Variants in ANKDD1B observed in about 807,000 individuals in gnomAD.
ANKDD1B encodes ankyrin repeat and death domain containing 1B.
Under a neutral mutation model 59.7 loss-of-function variants are expected in ANKDD1B, and 57 were observed. The observed-to-expected ratio is 0.95, with a 90% CI of 0.77 to 1.19. The LOEUF is 1.19. Among genes scored for constraint, ANKDD1B ranks in the 50% most tolerant of loss-of-function variants. The pLI is 0.00. For synonymous variants in ANKDD1B, 216 were observed against 239.5 expected, an observed-to-expected ratio of 0.90 and a Z score of 0.91; for missense variants, 602 against 641.9, an observed-to-expected ratio of 0.94 and a Z score of 0.67.
intron 7 of ANKDD1B, among the ~76,000 whole-genome samples, chr5:75,644,004 A>C (rs1460378575): frequency 4.4e-5 from 4 of 90,354 alleles, no homozygotes; most frequent in Non-Finnish European, 7.5e-5. Flanking sequence ...ACTAAGCTTC[A>C]TAAGTGAAGG....
intron 12 of ANKDD1B, among the ~76,000 whole-genome samples, chr5:75,667,196 G>A (rs1775334151): frequency 6.6e-6 from 1 of 152,216 alleles, no homozygotes; most frequent in Admixed American, 6.5e-5. Context: ...CTCATGGTCT[G>A]CAGTAAACCG....
intron 3 of ANKDD1B, among the ~76,000 whole-genome samples, chr5:75,625,239 T>C (rs1301459425): frequency 1.3e-5 from 2 of 152,210 alleles, no homozygotes; most frequent in African/African-American, 4.8e-5. Flanking sequence ...GTAAGTGTGC[T>C]TCATGCATTA....
In ANKDD1B at chr5:75,635,876, G is replaced by T; in HGVS notation, c.792G>T (p.Met264Ile). The T allele has an allele frequency of 6.5e-7, 1 of 1,527,172 alleles. No individual in the cohort carries two copies. The highest frequency in any genetic ancestry group is 8.8e-7 in the Non-Finnish European group (1 of 1,139,540). 94.6% of individuals were successfully genotyped at this position (1,527,172 alleles called of 1,614,324 possible). The change falls in exon 7 of 14, where the codon ATG (methionine) becomes ATT (isoleucine). Residue 264 changes from methionine to isoleucine, a missense_variant. Transcript: ENST00000601380. ...LLAQWQDINE[M>I]NELNISSLQI... is the part of the protein sequence containing the mutation. ...CCCAGTGGCAAGACATAAATGAGAT[G>T]AATGAGGTATGTGGAAGTGCTCGTT... is the stretch of plus-strand genomic sequence containing the variant.
chr5:75,636,605 A>G (rs1197665277), intron 7 of ANKDD1B, among the ~76,000 whole-genome samples: 1 of 152,152 alleles, frequency 6.6e-6, no homozygotes, highest in Non-Finnish European at 1.5e-5. Context: ...TGGGCAGGTA[A>G]CTGTCACAGC....
At chr5:75,661,414 A>AAAAAAAAAAAAAAAAAAG (rs1471501853) in intron 10 of ANKDD1B, among the ~76,000 whole-genome samples, 5 of 131,420 alleles carry the variant, frequency 3.8e-5, no homozygotes, top group East Asian at 2.1e-4. Context: ...AAAAAAAAAA[A>AAAAAAAAAAAAAAAAAAG]AAAAAAAAAA....
intron 9 of ANKDD1B, among the ~76,000 whole-genome samples, chr5:75,658,337 T>C (rs1310121685): frequency 1.3e-5 from 2 of 152,328 alleles, no homozygotes; most frequent in South Asian, 2.1e-4. Flanking sequence ...GTTGCTTCCC[T>C]TTCTGGTTAA....
At chr5:75,634,806 C>A in intron 5 of ANKDD1B, 92 bp from the exon 6 acceptor site, 1 of 791,062 alleles carries the variant, frequency 1.3e-6, no homozygotes, top group Non-Finnish European at 2.1e-6. Flanking sequence ...CTTGGACTCC[C>A]CATCATCCTT....
chr5:75,637,969 G>A (rs866101450), intron 7 of ANKDD1B, among the ~76,000 whole-genome samples: 2 of 152,090 alleles, frequency 1.3e-5, no homozygotes, highest in Non-Finnish European at 2.9e-5. Context: ...CTCAAACAAC[G>A]ACAATTATAC....
intron 8 of ANKDD1B, 74 bp downstream of exon 8, chr5:75,653,314 C>A: frequency 2.0e-6 from 2 of 1,005,380 alleles, no homozygotes; most frequent in Non-Finnish European, 3.0e-6. Context: ...ATGCCCCTTG[C>A]AGATACGTGT....
At chr5:75,640,709 TG>T (rs996722992) in intron 7 of ANKDD1B, among the ~76,000 whole-genome samples, 1 of 152,232 alleles carries the variant, frequency 6.6e-6, no homozygotes, top group African/African-American at 2.4e-5. Context: ...ATAAAGTATG[TG>T]TTCCAGACCA....
intron 6 of ANKDD1B, chr5:75,635,211 A>G (rs1561438193): frequency 2.3e-6 from 1 of 433,668 alleles, no homozygotes; most frequent in African/African-American, 2.0e-5. Context: ...TGCTTCATAA[A>G]TGTTTGTGAA....
intron 7 of ANKDD1B, among the ~76,000 whole-genome samples, chr5:75,636,117 G>A (rs149345814): frequency 1.5e-3 from 224 of 152,326 alleles, no homozygotes; most frequent in African/African-American, 4.7e-3. Flanking sequence ...CTGTATGCCA[G>A]ATGAAGTATG....
intron 9 of ANKDD1B, among the ~76,000 whole-genome samples, chr5:75,657,968 T>G (rs1041233345): frequency 3.3e-5 from 5 of 151,770 alleles, no homozygotes; most frequent in Non-Finnish European, 5.9e-5. Flanking sequence ...TCCCAACACT[T>G]TGGGTGGCCA....
intron 1 of ANKDD1B, among the ~76,000 whole-genome samples, chr5:75,616,260 T>C (rs1475679566): frequency 7.2e-5 from 11 of 152,388 alleles, no homozygotes; most frequent in African/African-American, 2.4e-4. Flanking sequence ...GTGATGTTTA[T>C]AGTAGATGTC....
intron 5 of ANKDD1B, among the ~76,000 whole-genome samples, chr5:75,632,777 CG>C (rs1561437186): frequency 6.6e-6 from 1 of 152,190 alleles, no homozygotes; most frequent in Admixed American, 6.5e-5. Context: ...AAGCAGCACT[CG>C]GTTACTACAT....
At chr5:75,664,790 T>G (rs1254716067) in intron 11 of ANKDD1B, among the ~76,000 whole-genome samples, 1 of 152,212 alleles carries the variant, frequency 6.6e-6, no homozygotes, top group Non-Finnish European at 1.5e-5. Context: ...GAAAACCATA[T>G]ATAAAACATG....
chr5:75,621,164 G>C (rs1431899124), intron 3 of ANKDD1B, among the ~76,000 whole-genome samples: 1 of 152,166 alleles, frequency 6.6e-6, no homozygotes, highest in African/African-American at 2.4e-5. Flanking sequence ...GGCTTGGCTT[G>C]GGGGAGGGGG....
At chr5:75,641,163 T>A (rs75737052) in intron 7 of ANKDD1B, among the ~76,000 whole-genome samples, 1 of 152,204 alleles carries the variant, frequency 6.6e-6, no homozygotes, top group South Asian at 2.1e-4. Context: ...CCTTTGAAAC[T>A]TTTGAGACTG....
intron 7 of ANKDD1B, among the ~76,000 whole-genome samples, chr5:75,648,114 A>T (rs1187653282): frequency 2.1e-5 from 1 of 48,324 alleles, no homozygotes; most frequent in Non-Finnish European, 4.0e-5. Flanking sequence ...GGGTGGGGGG[A>T]GGGGGGAGGG....
Sources: allele counts gnomAD v4.1 joint callset (sites outside exome capture counted in the v4.1 genomes callset), GRCh38; gene constraint gnomAD v4.1.1; transcripts MANE v1.5; gene names NCBI Gene and HGNC (gene_info 2026-07-23, HGNC 2026-07-21).